The following USP42 variants were observed in gnomAD, a reference collection of about 807,000 sequenced individuals.
The protein encoded by USP42 is ubiquitin specific peptidase 42, also known as ubiquitin carboxyl-terminal hydrolase 42.
In USP42, 23 loss-of-function variants were observed where a neutral mutation model predicts 113.0. The observed-to-expected ratio is 0.20, with a 90% confidence interval of 0.15 to 0.29. The LOEUF (loss-of-function observed/expected upper bound fraction) is 0.29. Among genes scored for constraint, USP42 ranks in the 10% least tolerant of loss-of-function variants. USP42 has a pLI of 1.00. For synonymous variants in USP42, 933 were observed against 699.0 expected (o/e 1.33, Z -5.28); for missense variants, 2,174 against 1,779.8 (o/e 1.22, Z -3.99).
intron 3 of USP42, among the ~76,000 whole-genome samples, chr7:6,119,383 C>G (rs1466825084): frequency 6.6e-6 from 1 of 152,108 alleles, no homozygotes; most frequent in African/African-American, 2.4e-5. Context: ...AGGTGAGAGG[C>G]TCGCTTCAGC....
At chr7:6,101,858 C>T (rs1790136158), upstream of USP42, among the ~76,000 whole-genome samples, 1 of 149,888 alleles carries the variant, frequency 6.7e-6, no homozygotes. Context: ...GTGGGCAGAT[C>T]ACTTGAGGCC....
At chr7:6,110,220 T>G (rs1779522365) in intron 1 of USP42, among the ~76,000 whole-genome samples, 2 of 152,186 alleles carry the variant, frequency 1.3e-5, no homozygotes, top group African/African-American at 2.4e-5. Flanking sequence ...AGCCTTCTGT[T>G]GACAGGGTGG....
chr7:6,141,017 T>G (rs2128505310), intron 7 of USP42, 33 bp downstream of exon 7: 1 of 1,132,682 alleles, frequency 8.8e-7, no homozygotes, highest in Non-Finnish European at 1.3e-6. Flanking sequence ...TAATTACATT[T>G]TTAAAATAAG....
the USP42 span, among the ~76,000 whole-genome samples, chr7:6,099,446 C>T: frequency 1.3e-5 from 2 of 149,672 alleles, 1 homozygote; most frequent in Non-Finnish European, 3.0e-5. Context: ...AATCTCCTGA[C>T]CTCATGATCT....
At chr7:6,098,471 G>A in the USP42 span, among the ~76,000 whole-genome samples, 6 of 150,080 alleles carry the variant, frequency 4.0e-5, no homozygotes, top group Admixed American at 6.6e-5. Flanking sequence ...TCCCTTAGCA[G>A]GCGTGATGGT....
At chr7:6,160,233 C>T (rs963775594) in intron 17 of USP42, among the ~76,000 whole-genome samples, 1 of 152,206 alleles carries the variant, frequency 6.6e-6, no homozygotes, top group Non-Finnish European at 1.5e-5. Context: ...CGTTAATTAA[C>T]AGGCTTTATC....
chr7:6,112,064 T>G (rs972542630), intron 2 of USP42: 2 of 152,300 alleles, frequency 1.3e-5, no homozygotes, highest in Non-Finnish European at 2.9e-5. Flanking sequence ...TGGTTGTCTT[T>G]TGACAAATGA....
chr7:6,145,673 T>A lies in USP42; in HGVS notation c.1131+17T>A. The A allele has an allele frequency of 6.2e-7, 1 of 1,609,394 alleles. No individual in the cohort carries two copies. Among genetic ancestry groups the A allele is most frequent in the Middle Eastern group, 1.7e-4 (1 of 6,056 alleles). On this transcript the variant is annotated intron_variant, in intron 10 of 17. Transcript: ENST00000306177. ...TACATAAAAGTAAGCTGTGCAGATTTGCTATTAACTATTGTTACATACATG... is the reference window on the plus strand; with the variant it reads ...TACATAAAAGTAAGCTGTGCAGATTAGCTATTAACTATTGTTACATACATG...
rs1781916901 is a variant in USP42, at chr7:6,149,588, A to G, written c.1392A>G (p.Pro464=). ...PQLPSHMIKN[P]PHLNGTGPLK... ...TGCGCTCTGCTTACTTCCAGAATCCACCTCACTTAAATGGGACTGGACCAT... is the reference window on the plus strand; with the variant it reads ...TGCGCTCTGCTTACTTCCAGAATCCGCCTCACTTAAATGGGACTGGACCAT... Residue 464 remains proline (P), a synonymous_variant, in exon 13 of 18, where the codon CCA becomes CCG. Coordinates refer to ENST00000306177, the MANE Select transcript of USP42 (RefSeq NM_032172.3). 1.2e-6 allele frequency: 2 copies of G among 1,611,140 alleles called. No homozygotes were observed. Among genetic ancestry groups the G allele is most frequent in the African/African-American group, 1.3e-5 (1 of 74,770 alleles).
At chr7:6,140,330 CA>C (rs775707566) in intron 6 of USP42, 135 bp downstream of exon 6, 62 of 790,694 alleles carry the variant, frequency 7.8e-5, no homozygotes, top group East Asian at 6.2e-4. Flanking sequence ...TCCTTTTACC[CA>C]GAGGCAGCCT....
At position 6,124,978 on chromosome 7, in the gene USP42, C is replaced by T. The variant is rs375587591; in HGVS notation, c.442+9455C>T. On this transcript the variant is annotated intron_variant, in intron 3 of 17. Transcript: ENST00000306177. ...GGCAGATCACTTGTGGTCAGGAATTCGAGACCAGCCTGGCCAATATAGCAA... is the reference window on the plus strand; with the variant it reads ...GGCAGATCACTTGTGGTCAGGAATTTGAGACCAGCCTGGCCAATATAGCAA... Among the ~76,000 whole-genome samples the T allele has an allele frequency of 4.1e-3, 617 of 150,836 alleles. 2 individuals are homozygous for T. The highest frequency in any genetic ancestry group is 0.014 in the African/African-American group (590 of 41,010).
rs779789478 is a variant in USP42, at chr7:6,155,069, G to A, written c.3515G>A (p.Ser1172Asn). 5.1e-6 allele frequency: 8 copies of A among 1,563,452 alleles called. No homozygotes were observed. The highest frequency in any genetic ancestry group is 2.6e-6 in the Non-Finnish European group (3 of 1,153,976). Reference protein sequence around the residue: ...RRHDSVENSDSHVEKKARRSE... With the variant: ...RRHDSVENSDNHVEKKARRSE... ...CACGACAGTGTGGAGAACAGTGACA[G>A]TCATGTTGAAAAGAAAGCCCGGAGG... The change falls in exon 15 of 18, where the codon AGT (serine) becomes AAT (asparagine). Residue 1172 changes from serine to asparagine, a missense_variant. Ser to Asn is a conservative substitution (Grantham distance 46). Transcript: ENST00000306177.
At chr7:6,105,155 C>G (rs1216766099) in intron 1 of USP42, 123 bp downstream of exon 1, 2 of 145,900 alleles carry the variant, frequency 1.4e-5, no homozygotes, top group Non-Finnish European at 3.0e-5. Flanking sequence ...GGGGCTGGTG[C>G]GGCCCCTCGC....
In USP42 at chr7:6,153,888, C is replaced by T. The variant is rs1782223707; in HGVS notation, c.2334C>T (p.Pro778=). 1 of 1,576,500 alleles carries T rather than the reference C, an allele frequency of 6.3e-7. No homozygotes were observed. Among genetic ancestry groups the T allele is most frequent in the Non-Finnish European group, 8.6e-7 (1 of 1,163,428 alleles). The change falls in exon 15 of 18, where the codon CCC becomes CCT. Residue 778 remains proline, a synonymous_variant. Coordinates refer to ENST00000306177, the MANE Select transcript of USP42 (RefSeq NM_032172.3). ...GLSSTKKAPP[P]RDPGTPATKE... is the part of the protein sequence containing the mutation. ...GCAGCACCAAGAAGGCTCCGCCGCC[C>T]CGCGATCCCGGCACCCCCGCTACCA...
At chr7:6,102,713 G>A (rs1205764266), upstream of USP42, among the ~76,000 whole-genome samples, 1 of 150,890 alleles carries the variant, frequency 6.6e-6, no homozygotes, top group East Asian at 1.9e-4. Flanking sequence ...GGGTAGGGCT[G>A]GGTACTGGAA....
intron 3 of USP42, among the ~76,000 whole-genome samples, chr7:6,117,453 G>T (rs1779972015): frequency 6.6e-6 from 1 of 152,134 alleles, no homozygotes; most frequent in Non-Finnish European, 1.5e-5. Flanking sequence ...CTATTGATGG[G>T]CATCTGGGTC....
chr7:6,100,393 G>C (rs1790084160), upstream of USP42, among the ~76,000 whole-genome samples: 1 of 149,900 alleles, frequency 6.7e-6, no homozygotes, highest in Admixed American at 6.6e-5. Flanking sequence ...GCAATGGTAT[G>C]GCCTCAGCTC....
At position 6,139,674 on chromosome 7, in the gene USP42, G is replaced by T; in HGVS notation, c.657-454G>T. 1 of 181,966 alleles carries T rather than the reference G, an allele frequency of 5.5e-6. No homozygotes were observed. The highest frequency in any genetic ancestry group is 9.5e-6 in the Non-Finnish European group (1 of 104,810). 11.3% of individuals were successfully genotyped at this position (181,966 alleles called of 1,614,324 possible). On this transcript the variant is annotated intron_variant, in intron 5 of 17. Coordinates refer to ENST00000306177, the MANE Select transcript of USP42 (RefSeq NM_032172.3). This position sits in a 1 kb window ranked among gnomAD's most constrained non-coding sequence, Gnocchi z 4.5. Reference sequence around the variant, plus strand: ...GATAATGCATCCCAAGCCGCTTGGTGCTGTCTGAGACACCTGGTAGATCTC... The same window carrying T: ...GATAATGCATCCCAAGCCGCTTGGTTCTGTCTGAGACACCTGGTAGATCTC...
intron 1 of USP42, 92 bp downstream of exon 1, chr7:6,105,124 C>G (rs1339020598): frequency 2.0e-5 from 3 of 146,816 alleles, no homozygotes; most frequent in African/African-American, 7.4e-5. Flanking sequence ...TCGGCCGCCC[C>G]TCAGCCGGCG....
Sources: gnomAD v4.1 joint callset for allele counts (sites outside exome capture counted in the v4.1 genomes callset) on GRCh38, gnomAD v4.1.1 for gene constraint, Gnocchi (gnomAD v3.1) non-coding constraint, MANE v1.5 for transcripts, NCBI Gene and HGNC (gene_info 2026-07-23, HGNC 2026-07-21) for gene names.